Variants in AASDH observed in about 807,000 individuals in gnomAD.
AASDH encodes the protein beta-alanine-activating enzyme.
In AASDH, 81 loss-of-function variants were observed where a neutral mutation model predicts 102.3. The observed-to-expected ratio is 0.79, with a 90% CI of 0.66 to 0.95. The LOEUF is 0.95. AASDH is among the 40% of genes least tolerant of loss of function. The pLI, the probability that AASDH is intolerant of heterozygous loss-of-function variation, is 0.00. For missense variants in AASDH, 1,203 were observed against 1,266.2 expected (o/e 0.95, Z 0.76); for synonymous variants, 398 against 454.0 (o/e 0.88, Z 1.57).
rs1056451064 is a variant in AASDH at position 56,364,677 on chromosome 4, T to C, written c.861+6774A>G. On this transcript the variant is annotated intron_variant, in intron 5 of 14. Transcript: ENST00000205214. ...ACAGATAAGCAAATGCTGAGAGATTTTGTCACCACCAGGCCTGCCCTAAAA... is the reference window on the plus strand; with the variant it reads ...ACAGATAAGCAAATGCTGAGAGATTCTGTCACCACCAGGCCTGCCCTAAAA... Among the ~76,000 whole-genome samples the C allele has an allele frequency of 7.2e-5, 11 of 152,282 alleles. 1 individual carries two copies. The highest frequency in any genetic ancestry group is 6.5e-4 in the Admixed American group (10 of 15,304).
chr4:56,347,138 AC>A (rs1274035848), intron 11 of AASDH, among the ~76,000 whole-genome samples: 7 of 152,296 alleles, frequency 4.6e-5, no homozygotes, highest in Admixed American at 4.6e-4. Flanking sequence ...AACGGCTATA[AC>A]AAAAAAAAAG....
At chr4:56,369,307 T>C (rs975643007) in intron 5 of AASDH, among the ~76,000 whole-genome samples, 1 of 152,202 alleles carries the variant, frequency 6.6e-6, no homozygotes, top group Non-Finnish European at 1.5e-5. Flanking sequence ...TTAGTAACTA[T>C]GAATCAAATC....
chr4:56,356,820 C>T (rs527891164), intron 5 of AASDH: 25 of 780,832 alleles, frequency 3.2e-5, no homozygotes, highest in African/African-American at 8.5e-5. Context: ...ATGACAGATA[C>T]GATGAGATCC....
intron 1 of AASDH, among the ~76,000 whole-genome samples, chr4:56,386,787 G>GA (rs1491414736): frequency 1.1e-5 from 1 of 90,130 alleles, no homozygotes. Context: ...GCGACAGAGC[G>GA]AGACTCCGTC....
At chr4:56,379,969 T>C (rs1418528202) in intron 3 of AASDH, among the ~76,000 whole-genome samples, 1 of 152,148 alleles carries the variant, frequency 6.6e-6, no homozygotes, top group Admixed American at 6.5e-5. Context: ...TCTTAACCTG[T>C]AAGTGACAGG....
intron 5 of AASDH, among the ~76,000 whole-genome samples, chr4:56,369,946 A>C (rs1447398721): frequency 1.6e-5 from 2 of 123,680 alleles, no homozygotes; most frequent in African/African-American, 6.0e-5. Context: ...GTCTCAATTA[A>C]AAAAAAAAAA....
chr4:56,343,578 A>G lies in AASDH; in HGVS notation c.2759T>C (p.Leu920Ser). 1.2e-6 allele frequency: 2 copies of G among 1,608,978 alleles called. No individual in the cohort carries two copies. Among genetic ancestry groups the G allele is most frequent in the Non-Finnish European group, 1.7e-6 (2 of 1,177,170 alleles). Reference protein sequence around the residue: ...HLYFATLGGLLLAVNPATGNV... With the variant: ...HLYFATLGGLSLAVNPATGNV... ...TATGCCTACAGGATTTACAGCCAGTAAAAGTCCTCCCAATGTAGCAAAATA... is the reference window on the plus strand; with the variant it reads ...TATGCCTACAGGATTTACAGCCAGTGAAAGTCCTCCCAATGTAGCAAAATA... Residue 920 changes from leucine (L) to serine (S), a missense_variant, in exon 13 of 15, where the codon TTA (leucine) becomes TCA (serine). Physicochemically the swap from Leu to Ser is moderately radical, Grantham distance 145 (BLOSUM62 -2). Transcript: ENST00000205214.
In AASDH at chr4:56,353,064, C is replaced by G. The variant is rs543807049; in HGVS notation, c.1576+340G>C. Among the ~76,000 whole-genome samples, 8 of 151,268 alleles carry G rather than the reference C, an allele frequency of 5.3e-5. No individual in the cohort carries two copies. The South Asian group carries it at 1.7e-3, about 32-fold the overall frequency. On this transcript the variant is annotated intron_variant, in intron 9 of 14. Transcript: ENST00000205214. ...GGAGTATAGTGGTTATTTACAGGCA[C>G]AAACATAGCACACTGTGCCCTCAAA...
In AASDH at chr4:56,348,997, A is replaced by G. The variant is rs887147904; in HGVS notation, c.2488+266T>C. The G allele has an allele frequency of 4.5e-5, 22 of 491,364 alleles. No homozygotes were observed. In the East Asian group the frequency reaches 6.6e-4, roughly 15 times the overall value. 30.4% of individuals were successfully genotyped at this position (491,364 alleles called of 1,614,324 possible). ...AGCAACACATTTTATTATTATTCCC[A>G]TTTTACCCACAAGGAAAGTGAAATT... On this transcript the variant is annotated intron_variant, in intron 11 of 14. Coordinates refer to ENST00000205214, the MANE Select transcript of AASDH (RefSeq NM_181806.4).
chr4:56,370,228 T>C (rs1751522438), intron 5 of AASDH, among the ~76,000 whole-genome samples: 1 of 151,834 alleles, frequency 6.6e-6, no homozygotes, highest in Admixed American at 6.6e-5. Context: ...CCTGGTGTGG[T>C]GGCGGGTGCC....
intron 1 of AASDH, among the ~76,000 whole-genome samples, chr4:56,386,799 CA>C (rs386400124): frequency 0.017 from 848 of 48,770 alleles, 2 homozygotes; most frequent in East Asian, 0.032. Context: ...GACTCCGTCT[CA>C]AAAAAAAAAA....
At chr4:56,365,187 C>T (rs1578021289) in intron 5 of AASDH, among the ~76,000 whole-genome samples, 1 of 152,172 alleles carries the variant, frequency 6.6e-6, no homozygotes, top group South Asian at 2.1e-4. Context: ...AATATATATG[C>T]ACCCAATACA....
Position 56,342,912 on chromosome 4 carries a change from G to A in AASDH, c.2830C>T (p.Pro944Ser), listed in dbSNP as rs201811835. ...HSCGKPLFSS[P>S]QCCSQYICIG... ...CAAATATACTGTGAGCAACATTGTG[G>A]GGAAGAGAAGAGTGGTTTTCCACAG... Residue 944 changes from proline (P) to serine (S), a missense_variant, in exon 14 of 15, where the codon CCA becomes TCA. Coordinates refer to ENST00000205214, the MANE Select transcript of AASDH (RefSeq NM_181806.4). 3.1e-6 allele frequency: 5 copies of A among 1,595,754 alleles called. No individual in the cohort carries two copies. Among genetic ancestry groups the A allele is most frequent in the East Asian group, 2.3e-5 (1 of 43,784 alleles).
chr4:56,349,853 T>C lies in AASDH; in HGVS notation c.1898A>G (p.Asp633Gly). Residue 633 changes from aspartate (D) to glycine (G), a missense_variant, in exon 11 of 15, where the codon GAT becomes GGT. Physicochemically the swap from Asp to Gly is moderately conservative, Grantham distance 94. Transcript: ENST00000205214. ...ACTCTTCCTGAATGTCACATCTTCA[T>C]CTGGAACCACTGTTTGAAGGATGTG... ...YNHILQTVVPDEDVTFRKSCA... is the reference protein window; with the variant it reads ...YNHILQTVVPGEDVTFRKSCA... The C allele has an allele frequency of 5.6e-6, 9 of 1,614,158 alleles. No homozygotes were observed. The highest frequency in any genetic ancestry group is 7.6e-6 in the Non-Finnish European group (9 of 1,180,026).
At chr4:56,348,961 A>G (rs935507964) in intron 11 of AASDH, 9 of 396,242 alleles carry the variant, frequency 2.3e-5, no homozygotes, top group Non-Finnish European at 3.6e-5. Context: ...GTTTTGGGGT[A>G]TTTGTGATAC....
intron 5 of AASDH, among the ~76,000 whole-genome samples, chr4:56,361,602 A>G (rs931993484): frequency 2.0e-5 from 3 of 152,136 alleles, no homozygotes; most frequent in Admixed American, 2.0e-4. Context: ...TTTTAAGGAA[A>G]AACTCAGGAA....
At chr4:56,378,700 T>C (rs1040346986) in intron 3 of AASDH, among the ~76,000 whole-genome samples, 2 of 151,990 alleles carry the variant, frequency 1.3e-5, no homozygotes, top group East Asian at 1.9e-4. Flanking sequence ...AGATTACTTA[T>C]AACTAATACA....
intron 11 of AASDH, among the ~76,000 whole-genome samples, chr4:56,348,591 A>G (rs1362060357): frequency 6.6e-6 from 1 of 152,112 alleles, no homozygotes. Context: ...GAAAACAAAA[A>G]ATGATGGTAT....
intron 4 of AASDH, among the ~76,000 whole-genome samples, chr4:56,374,882 TC>T (rs1241874661): frequency 6.6e-6 from 1 of 152,142 alleles, no homozygotes; most frequent in African/African-American, 2.4e-5. Flanking sequence ...GTCAAACAAA[TC>T]AACTAATTTT....
Sources: allele counts gnomAD v4.1 joint callset (sites outside exome capture counted in the v4.1 genomes callset), GRCh38; gene constraint gnomAD v4.1.1; transcripts MANE v1.5; gene names NCBI Gene and HGNC (gene_info 2026-07-23, HGNC 2026-07-21).